EMILIN2: variants seen among roughly 807,000 people sequenced by gnomAD.
EMILIN2 encodes the protein elastin microfibril interfacer 2.
Under a neutral mutation model 87.1 loss-of-function variants are expected in EMILIN2, and 71 were observed. That is an observed-to-expected ratio of 0.82 (90% CI 0.67 to 0.99). EMILIN2 has a LOEUF of 0.99. Ranked by LOEUF, EMILIN2 falls within the 50% of genes least tolerant of loss-of-function variation. The pLI is 0.00. For synonymous variants in EMILIN2, 581 were observed against 563.4 expected, an observed-to-expected ratio of 1.03 and a Z score of -0.44; for missense variants, 1,407 against 1,371.8, an observed-to-expected ratio of 1.03 and a Z score of -0.40.
intron 7 of EMILIN2, among the ~76,000 whole-genome samples, chr18:2,911,310 C>G (rs2076939882): frequency 6.6e-6 from 1 of 152,224 alleles, no homozygotes; most frequent in African/African-American, 2.4e-5. Context: ...GCAGTGTTTC[C>G]TGGAGTTGTG....
chr18:2,892,166 A>G lies in EMILIN2; in HGVS notation c.2039A>G (p.Gln680Arg). Residue 680 changes from glutamine (Q) to arginine (R), a missense_variant, in exon 4 of 8, where the codon CAG becomes CGG. By Grantham distance (43) the Gln-to-Arg change is conservative. Transcript: ENST00000254528. Reference sequence around the variant, plus strand: ...GAGAGGTGGCAGAGGTTGCAGAGCCAGGTCATCTCGGAGCTGGATGCTTGT... The same window carrying G: ...GAGAGGTGGCAGAGGTTGCAGAGCCGGGTCATCTCGGAGCTGGATGCTTGT... ...LEERWQRLQS[Q>R]VISELDACKE... is the part of the protein sequence containing the mutation. 6.2e-7 allele frequency: 1 copy of G among 1,607,150 alleles called. No individual in the cohort carries two copies. Among genetic ancestry groups the G allele is most frequent in the Non-Finnish European group, 8.5e-7 (1 of 1,175,494 alleles).
intron 2 of EMILIN2, among the ~76,000 whole-genome samples, chr18:2,876,182 A>G (rs561261637): frequency 1.3e-5 from 2 of 151,452 alleles, no homozygotes; most frequent in Admixed American, 1.3e-4. Flanking sequence ...GGGGTTTCAC[A>G]ATGTTAGCCA....
intron 6 of EMILIN2, 62 bp from the exon 7 acceptor site, chr18:2,909,629 G>A: frequency 6.3e-7 from 1 of 1,581,776 alleles, no homozygotes; most frequent in South Asian, 1.2e-5. Context: ...CAGTTTTCCA[G>A]GCCCTCCCCC....
rs631459 is a variant in EMILIN2 at position 2,915,814 on chromosome 18, C to T, written c.*2410C>T. 35,142 of 152,160 alleles carry T rather than the reference C, an allele frequency of 0.23. 4,664 individuals carry two copies. Among genetic ancestry groups the T allele is most frequent in the East Asian group, 0.4 (2,058 of 5,166 alleles). The allele number at this position is 152,160 out of a possible 1,614,324, so 9.4% of individuals were successfully genotyped here. Reference sequence around the variant, plus strand: ...CTGGGATTACAGGTATGAGCCACCACGCCCAGCCAAGTTCACAACTTCTGA... The same window carrying T: ...CTGGGATTACAGGTATGAGCCACCATGCCCAGCCAAGTTCACAACTTCTGA... On this transcript the variant is annotated 3_prime_UTR_variant, in exon 8 of 8. Coordinates refer to ENST00000254528, the MANE Select transcript of EMILIN2 (RefSeq NM_032048.3).
chr18:2,857,444 G>T (rs2076633379), intron 2 of EMILIN2, among the ~76,000 whole-genome samples: 1 of 152,202 alleles, frequency 6.6e-6, no homozygotes, highest in Non-Finnish European at 1.5e-5. Flanking sequence ...GCTTGACAGG[G>T]ATGTTGTGAG....
chr18:2,891,106 G>A lies in EMILIN2; in HGVS notation c.979G>A (p.Glu327Lys), dbSNP rs2076834009. 6.2e-7 allele frequency: 1 copy of A among 1,614,204 alleles called. No homozygotes were observed. The highest frequency in any genetic ancestry group is 8.5e-7 in the Non-Finnish European group (1 of 1,180,046). ...YVDSKIDALR[E>K]ELMEGMDRKL... ...GGACAGTAAGATCGACGCCCTGAGA[G>A]AGGAGCTCATGGAGGGCATGGACAG... The change falls in exon 4 of 8, where the codon GAG becomes AAG. Residue 327 changes from glutamate (E) to lysine (K), a missense_variant. By Grantham distance (56) the Glu-to-Lys change is moderately conservative. Transcript: ENST00000254528. The surrounding 1 kb of genome is among the most constrained non-coding windows in gnomAD (Gnocchi z 4.6).
chr18:2,851,638 G>T (rs570813193), intron 2 of EMILIN2, among the ~76,000 whole-genome samples: 3 of 152,304 alleles, frequency 2.0e-5, no homozygotes, highest in South Asian at 2.1e-4. Context: ...ACTACAGGCC[G>T]CAGGTGCCTT....
intron 2 of EMILIN2, among the ~76,000 whole-genome samples, chr18:2,850,064 C>G (rs1365934522): frequency 6.7e-6 from 1 of 150,018 alleles, no homozygotes; most frequent in Non-Finnish European, 1.5e-5. Flanking sequence ...GTAGCTGGGA[C>G]TACAGGTGTG....
intron 2 of EMILIN2, among the ~76,000 whole-genome samples, chr18:2,864,183 G>C (rs541978361): frequency 6.6e-6 from 1 of 152,268 alleles, no homozygotes; most frequent in East Asian, 1.9e-4. Context: ...CAATTTGCCA[G>C]TCTGTGTCTT....
chr18:2,865,060 A>G (rs1217767933), intron 2 of EMILIN2, among the ~76,000 whole-genome samples: 3 of 152,126 alleles, frequency 2.0e-5, no homozygotes, highest in Non-Finnish European at 4.4e-5. Flanking sequence ...TGTGGTTTTC[A>G]GCTCCATCAG....
In EMILIN2 at chr18:2,858,555, ATATATATATATATATGTG is replaced by A. The variant is rs2076641266; in HGVS notation, c.257+10626_257+10643del. Among the ~76,000 whole-genome samples the A allele has an allele frequency of 1.3e-4, 7 of 52,302 alleles. No homozygotes were observed. The Admixed American group carries it at 1.4e-3, about 10-fold the overall frequency. The allele number at this position is 52,302 out of a possible 152,430, so 34.3% of individuals were successfully genotyped here. The stretch of plus-strand genomic sequence containing the variant: ...TATATATATATATATATATATATAT[ATATATATATATATATGTG>A]TGTGTGTGTGTATATATATATATAT... On this transcript the variant is annotated intron_variant, in intron 2 of 7. Transcript: ENST00000254528.
At chr18:2,883,000 A>G (rs1026410896) in intron 2 of EMILIN2, among the ~76,000 whole-genome samples, 4 of 152,070 alleles carry the variant, frequency 2.6e-5, no homozygotes, top group Non-Finnish European at 5.9e-5. Context: ...TGATTGTACC[A>G]CTGCACTCCA....
chr18:2,885,123 C>G lies in EMILIN2; in HGVS notation c.417C>G (p.Ser139Arg), dbSNP rs745636583. The G allele has an allele frequency of 6.2e-7, 1 of 1,605,192 alleles. No homozygotes were observed. Among genetic ancestry groups the G allele is most frequent in the Non-Finnish European group, 8.5e-7 (1 of 1,176,790 alleles). ...LRPTPARPRN[S>R]LKKATDNEPS... ...CCACGCCGGCTCGGCCTCGAAACAG[C>G]TTGAAGAAAGCCACAGGTAACTTCT... The change falls in exon 3 of 8, where the codon AGC (serine) becomes AGG (arginine). Residue 139 changes from serine (S) to arginine (R), a missense_variant. Transcript: ENST00000254528.
chr18:2,899,696 G>T (rs1034991036), intron 4 of EMILIN2, among the ~76,000 whole-genome samples: 3 of 151,948 alleles, frequency 2.0e-5, no homozygotes, highest in African/African-American at 7.3e-5. Flanking sequence ...TAGAGACAGG[G>T]TTTCACCATG....
chr18:2,884,969 G>T lies in EMILIN2; in HGVS notation c.263G>T (p.Arg88Leu). ...QMPCPSALVY[R>L]VNFRPRYVTR... is the part of the protein sequence containing the mutation. ...GCCATCCCTTCTGTCCACAGGTATC[G>T]AGTGAACTTCAGACCTAGATATGTC... The change falls in exon 3 of 8, where the codon CGA becomes CTA. Residue 88 changes from arginine to leucine, a missense_variant. By Grantham distance (102) the Arg-to-Leu change is moderately radical (BLOSUM62 -2). Transcript: ENST00000254528. The T allele has an allele frequency of 6.3e-7, 1 of 1,598,518 alleles. No individual in the cohort carries two copies. The highest frequency in any genetic ancestry group is 1.7e-4 in the Middle Eastern group (1 of 6,004).
At chr18:2,905,453 G>A (rs1232978178) in intron 4 of EMILIN2, among the ~76,000 whole-genome samples, 1 of 151,784 alleles carries the variant, frequency 6.6e-6, no homozygotes, top group East Asian at 1.9e-4. Flanking sequence ...GGGTAATAGG[G>A]TATCTATTAC....
intron 2 of EMILIN2, among the ~76,000 whole-genome samples, chr18:2,870,458 C>T (rs1214006964): frequency 6.6e-6 from 1 of 152,152 alleles, no homozygotes; most frequent in Non-Finnish European, 1.5e-5. Context: ...CTAGTTTCTA[C>T]AGTGATACAG....
chr18:2,905,540 A>C (rs1015006856), intron 4 of EMILIN2, among the ~76,000 whole-genome samples: 1 of 151,926 alleles, frequency 6.6e-6, no homozygotes, highest in African/African-American at 2.4e-5. Flanking sequence ...ATAATTGCTG[A>C]CTGCAGTCAC....
rs1322270784 is a variant in EMILIN2 at position 2,847,788 on chromosome 18, CCT to C, written c.135-13_135-12del. ...TCCGGGTTTACCCCGTGCCCCTCTC[CCT>C]CTCTCTCCTGCACCCCAGGAACTGG... On this transcript the variant is annotated intron_variant, in intron 1 of 7. Transcript: ENST00000254528. This position sits in a 1 kb window ranked among gnomAD's most constrained non-coding sequence, Gnocchi z 4.5. 4 of 1,611,178 alleles carry C rather than the reference CCT, an allele frequency of 2.5e-6. No homozygotes were observed. The African/African-American group carries it at 5.3e-5, about 22-fold the overall frequency.
Sources: gnomAD v4.1 joint callset for allele counts (sites outside exome capture counted in the v4.1 genomes callset) on GRCh38, gnomAD v4.1.1 for gene constraint, Gnocchi (gnomAD v3.1) non-coding constraint, MANE v1.5 for transcripts, NCBI Gene and HGNC (gene_info 2026-07-23, HGNC 2026-07-21) for gene names.